The following TENM2 variants were observed in gnomAD, a reference collection of about 807,000 sequenced individuals.
The protein encoded by TENM2 is teneurin-2.
TENM2 carries 52 observed loss-of-function variants against 245.2 expected under a neutral mutation model. The observed-to-expected ratio is 0.21, with a 90% CI of 0.17 to 0.27. The LOEUF is 0.27. Ranked by LOEUF, TENM2 falls within the 10% of genes least tolerant of loss-of-function variation. The pLI is 1.00. For synonymous variants in TENM2, 1,363 were observed against 1,438.9 expected, an observed-to-expected ratio of 0.95 and a Z score of 1.19; for missense variants, 3,046 against 3,666.8, an observed-to-expected ratio of 0.83 and a Z score of 4.37.
At chr5:167,903,104 G>A (rs1182220027) in intron 3 of TENM2, among the ~76,000 whole-genome samples, 1 of 152,082 alleles carries the variant, frequency 6.6e-6, no homozygotes, top group Admixed American at 6.5e-5. Context: ...ATTATAATTT[G>A]TCAATATTCA....
intron 2 of TENM2, among the ~76,000 whole-genome samples, chr5:167,548,564 C>CAG (rs397831359): frequency 1.3e-5 from 2 of 151,786 alleles, no homozygotes; most frequent in African/African-American, 4.8e-5. Context: ...CACACACACA[C>CAG]GCACACATAC....
intron 2 of TENM2, among the ~76,000 whole-genome samples, chr5:167,453,881 T>A (rs1371894788): frequency 6.6e-6 from 1 of 152,220 alleles, no homozygotes; most frequent in Admixed American, 6.5e-5. Context: ...TCTAACAAAT[T>A]ACTAGCATGT....
At chr5:167,706,324 T>C (rs1561691107) in intron 2 of TENM2, among the ~76,000 whole-genome samples, 1 of 147,622 alleles carries the variant, frequency 6.8e-6, no homozygotes, top group Non-Finnish European at 1.5e-5. Flanking sequence ...TAAGAAAATA[T>C]ATATTAGAAA....
chr5:167,651,951 G>T (rs567020310), intron 2 of TENM2, among the ~76,000 whole-genome samples: 126 of 152,270 alleles, frequency 8.3e-4, no homozygotes, highest in African/African-American at 2.9e-3. Flanking sequence ...GGCATATTTG[G>T]TTTTCAGCAT....
intron 1 of TENM2, among the ~76,000 whole-genome samples, chr5:167,341,495 G>C (rs1758094704): frequency 6.6e-6 from 1 of 151,548 alleles, no homozygotes; most frequent in Non-Finnish European, 1.5e-5. Context: ...ATTGTTTTCT[G>C]TTTATGCTTT....
chr5:167,438,785 G>A (rs1764720514), intron 2 of TENM2, among the ~76,000 whole-genome samples: 2 of 151,902 alleles, frequency 1.3e-5, no homozygotes, highest in Non-Finnish European at 2.9e-5. Flanking sequence ...GGTAAGCGAA[G>A]TTTTTTGTTT....
chr5:167,592,149 A>T (rs1582477926), intron 2 of TENM2, among the ~76,000 whole-genome samples: 1 of 152,198 alleles, frequency 6.6e-6, no homozygotes, highest in Non-Finnish European at 1.5e-5. Flanking sequence ...AATTAAAACG[A>T]TATCAAAGTT....
the TENM2 span, among the ~76,000 whole-genome samples, chr5:167,008,368 G>A: frequency 0.032 from 4,822 of 152,188 alleles, 253 homozygotes; most frequent in African/African-American, 0.11. Flanking sequence ...TAAAAAGGGG[G>A]CAGCAGTTCA....
At chr5:168,009,312 G>T (rs1045556833) in intron 5 of TENM2, among the ~76,000 whole-genome samples, 6 of 152,122 alleles carry the variant, frequency 3.9e-5, no homozygotes, top group Admixed American at 3.9e-4. Flanking sequence ...GTTAGAGGCA[G>T]GTTTGAAATT....
intron 2 of TENM2, among the ~76,000 whole-genome samples, chr5:167,767,758 A>G (rs1460255976): frequency 6.6e-6 from 1 of 152,196 alleles, no homozygotes; most frequent in Non-Finnish European, 1.5e-5. Flanking sequence ...CTTGTGGATA[A>G]CATTCCAGTT....
At chr5:167,708,214 C>T (rs1229825612) in intron 2 of TENM2, among the ~76,000 whole-genome samples, 1 of 150,346 alleles carries the variant, frequency 6.7e-6, no homozygotes. Flanking sequence ...AGAGTGTATG[C>T]TACGGGGAAG....
At chr5:167,653,598 C>A (rs909443684) in intron 2 of TENM2, 1 of 152,002 alleles carries the variant, frequency 6.6e-6, no homozygotes, top group African/African-American at 2.4e-5. Flanking sequence ...TAAAGGCATA[C>A]TTATTGAACT....
chr5:168,249,123 CAAAAA>C (rs566693885), intron 27 of TENM2, among the ~76,000 whole-genome samples: 3 of 116,570 alleles, frequency 2.6e-5, no homozygotes, highest in Admixed American at 8.7e-5. Flanking sequence ...GACCCTGTCT[CAAAAA>C]AAAAAAAAAA....
intron 7 of TENM2, among the ~76,000 whole-genome samples, chr5:168,064,927 G>T (rs999378131): frequency 6.6e-6 from 1 of 152,214 alleles, no homozygotes; most frequent in Admixed American, 6.5e-5. Flanking sequence ...GTCATTACAT[G>T]CATTCATGTC....
At chr5:167,087,637 G>A in the TENM2 span, among the ~76,000 whole-genome samples, 3 of 152,112 alleles carry the variant, frequency 2.0e-5, no homozygotes, top group Admixed American at 6.5e-5. Flanking sequence ...CGTTCTGTGC[G>A]TGATTCACGG....
the TENM2 span, among the ~76,000 whole-genome samples, chr5:167,082,366 C>A: frequency 0.037 from 5,614 of 152,146 alleles, 130 homozygotes; most frequent in South Asian, 0.09. Context: ...TTATTGCAAC[C>A]TCCACCTCCC....
chr5:168,081,104 T>C (rs942699811), intron 7 of TENM2, among the ~76,000 whole-genome samples: 1 of 152,238 alleles, frequency 6.6e-6, no homozygotes, highest in Non-Finnish European at 1.5e-5. Flanking sequence ...GCATTATGAA[T>C]CTGGGTGCTC....
intron 2 of TENM2, among the ~76,000 whole-genome samples, chr5:167,480,258 T>C (rs949017651): frequency 6.6e-6 from 1 of 152,300 alleles, no homozygotes; most frequent in East Asian, 1.9e-4. Flanking sequence ...CCTCACTGAT[T>C]GTAAGACATT....
At chr5:168,262,014 T>C (rs1482112175) in intron 28 of TENM2, 35 bp from the exon 31 acceptor site, 17 of 1,595,874 alleles carry the variant, frequency 1.1e-5, no homozygotes, top group Non-Finnish European at 1.5e-5. Context: ...GCCCAGCTCA[T>C]CTTCTCAGCT....
Sources: allele counts gnomAD v4.1 joint callset (sites outside exome capture counted in the v4.1 genomes callset), GRCh38; gene constraint gnomAD v4.1.1; transcripts MANE v1.5; gene names NCBI Gene and HGNC (gene_info 2026-07-23, HGNC 2026-07-21).